Variants in JAK3 observed in about 807,000 individuals in gnomAD.
JAK3 encodes tyrosine-protein kinase JAK3.
In JAK3, 88 loss-of-function variants were observed where a neutral mutation model predicts 120.8. The observed-to-expected ratio is 0.73, with a 90% CI of 0.61 to 0.87. The LOEUF (loss-of-function observed/expected upper bound fraction) is 0.87. Among genes scored for constraint, JAK3 ranks in the 40% least tolerant of loss-of-function variants. The probability of loss-of-function intolerance (pLI) is 0.00; values close to 1 mark genes in which losing one functional copy is unlikely to be tolerated. For synonymous variants in JAK3, 592 were observed against 628.6 expected (o/e 0.94, Z 0.87); for missense variants, 1,254 against 1,501.4 (o/e 0.84, Z 2.72).
chr19:17,830,687 G>T, intron 21 of JAK3, 67 bp from the exon 22 acceptor site: 1 of 1,293,728 alleles, frequency 7.7e-7, no homozygotes, highest in Non-Finnish European at 1.1e-6. Flanking sequence ...GGCAGCCTTG[G>T]AATGGGGAAC....
chr19:17,843,367 G>T lies in JAK3; in HGVS notation c.420+13C>A. On this transcript the variant is annotated intron_variant, in intron 4 of 23. Coordinates refer to ENST00000458235, the MANE Select transcript of JAK3 (RefSeq NM_000215.4). The surrounding 1 kb of genome is among the most constrained non-coding windows in gnomAD (Gnocchi z 5.4). ...CCCCAACCCCCTGGGTCAAACCCCA[G>T]GCAGAACCCCACCTGGGCAAAGAGG... 1 of 1,571,508 alleles carries T rather than the reference G, an allele frequency of 6.4e-7. No homozygotes were observed. The highest frequency in any genetic ancestry group is 8.6e-7 in the Non-Finnish European group (1 of 1,156,680).
At position 17,826,891 on chromosome 19, in the gene JAK3, A is replaced by G. The variant is rs2094204907; in HGVS notation, c.3227T>C (p.Leu1076Pro). The change falls in exon 24 of 24, where the codon CTG (leucine) becomes CCG (proline). Residue 1076 changes from leucine to proline, a missense_variant. Coordinates refer to ENST00000458235, the MANE Select transcript of JAK3 (RefSeq NM_000215.4). ...GTCCTGTGGGCTAGGGGCCCAGCAC[A>G]GCTTCATGAGCTCGTGAACCTGAGG... The part of the protein sequence containing the change: ...CPAEVHELMK[L>P]CWAPSPQDRP... 4 of 1,611,396 alleles carry G rather than the reference A, an allele frequency of 2.5e-6. No individual in the cohort carries two copies. Among genetic ancestry groups the G allele is most frequent in the African/African-American group, 2.7e-5 (2 of 74,928 alleles).
intron 1 of JAK3, among the ~76,000 whole-genome samples, chr19:17,846,222 G>T (rs1006395232): frequency 2.6e-5 from 4 of 152,198 alleles, no homozygotes; most frequent in African/African-American, 9.6e-5. Flanking sequence ...GGTCTGCTGA[G>T]CGCAATCCAG....
chr19:17,845,201 G>A lies in JAK3; in HGVS notation c.-13-771C>T, dbSNP rs1161303858. ...TTGCTTTTTTGAGACAGAGTCTCGC[G>A]CTGTCACCCAGGCTGGAGTGCAGTG... On this transcript the variant is annotated intron_variant, in intron 1 of 23. Coordinates refer to ENST00000458235, the MANE Select transcript of JAK3 (RefSeq NM_000215.4). Among the ~76,000 whole-genome samples, 7 of 152,074 alleles carry A rather than the reference G, an allele frequency of 4.6e-5. 1 individual carries two copies. The South Asian group carries it at 8.3e-4, about 18-fold the overall frequency.
chr19:17,836,348 T>G (rs1361304218), intron 13 of JAK3, among the ~76,000 whole-genome samples: 1 of 152,144 alleles, frequency 6.6e-6, no homozygotes, highest in Non-Finnish European at 1.5e-5. Context: ...AGTGGTGCGA[T>G]CTCGGCTTAC....
Position 17,831,526 on chromosome 19 carries a change from A to T in JAK3, c.2806-126T>A, listed in dbSNP as rs2094214501. 1.3e-6 allele frequency: 2 copies of T among 1,509,804 alleles called. No homozygotes were observed. Among genetic ancestry groups the T allele is most frequent in the Admixed American group, 3.8e-5 (2 of 52,872 alleles). The allele number at this position is 1,509,804 out of a possible 1,614,324, so 93.5% of individuals were successfully genotyped here. Reference sequence around the variant, plus strand: ...CTACCCCCGAGCCATCCTCCACTGAAGTTCTGATCCTGAGCCCTAAGCCAA... The same window carrying T: ...CTACCCCCGAGCCATCCTCCACTGATGTTCTGATCCTGAGCCCTAAGCCAA... On this transcript the variant is annotated intron_variant, in intron 20 of 23. Coordinates refer to ENST00000458235, the MANE Select transcript of JAK3 (RefSeq NM_000215.4). This position sits in a 1 kb window ranked among gnomAD's most constrained non-coding sequence, Gnocchi z 5.1.
At position 17,825,183 on chromosome 19, in the gene JAK3, G is replaced by A. The variant is rs542886257; in HGVS notation, c.*1560C>T. 4.4e-6 allele frequency: 1 copy of A among 229,756 alleles called. No homozygotes were observed. The highest frequency in any genetic ancestry group is 1.8e-4 in the South Asian group (1 of 5,492). The allele number at this position is 229,756 out of a possible 1,614,324, so 14.2% of individuals were successfully genotyped here. ...GGGGACAGAACTGAGACCCAGAGAG[G>A]GAAAGGAACTTGCCCACTGTCACAC... On this transcript the variant is annotated 3_prime_UTR_variant, in exon 24 of 24. Coordinates refer to ENST00000458235, the MANE Select transcript of JAK3 (RefSeq NM_000215.4).
Position 17,832,762 on chromosome 19 carries a change from C to T in JAK3, c.2490+28G>A, listed in dbSNP as rs2147678724. The T allele has an allele frequency of 6.2e-7, 1 of 1,614,256 alleles. No homozygotes were observed. Among genetic ancestry groups the T allele is most frequent in the Non-Finnish European group, 8.5e-7 (1 of 1,180,034 alleles). On this transcript the variant is annotated intron_variant, in intron 18 of 23. Transcript: ENST00000458235. The surrounding 1 kb of genome is among the most constrained non-coding windows in gnomAD (Gnocchi z 4.7). ...CACCTGGATGCTGCCCTGCCCTCTC[C>T]AACCCACCCTGGCCCTGCCCACCTT...
rs3213414 is a variant in JAK3, at chr19:17,826,554, C to G, written c.*189G>C. On this transcript the variant is annotated 3_prime_UTR_variant, in exon 24 of 24. Coordinates refer to ENST00000458235, the MANE Select transcript of JAK3 (RefSeq NM_000215.4). Reference sequence around the variant, plus strand: ...GACACATATGCCCATCTGTCTTGAACCTTAACAAATTGCAAAGGCCACAGG... The same window carrying G: ...GACACATATGCCCATCTGTCTTGAAGCTTAACAAATTGCAAAGGCCACAGG... The G allele has an allele frequency of 3.3e-5, 22 of 671,908 alleles. No individual in the cohort carries two copies. The highest frequency in any genetic ancestry group is 4.8e-5 in the Non-Finnish European group (18 of 372,932). 41.6% of individuals were successfully genotyped at this position (671,908 alleles called of 1,614,324 possible).
rs1231041364 is a variant in JAK3, at chr19:17,832,537, C to G, written c.2662G>C (p.Gly888Arg). The change falls in exon 19 of 24, where the codon GGT (glycine) becomes CGT (arginine). Residue 888 changes from glycine to arginine, a missense_variant. Around this residue, in one of 3 missense-constraint regions of JAK3, gnomAD observed 630 missense variants for 819.8 expected, o/e 0.77. Transcript: ENST00000458235. This position sits in a 1 kb window ranked among gnomAD's most constrained non-coding sequence, Gnocchi z 4.7. Reference sequence around the variant, plus strand: ...GGCTCACCCGGGCCATAGCTGACACCACGATACTTGACAATGAAATCACTG... The same window carrying G: ...GGCTCACCCGGGCCATAGCTGACACGACGATACTTGACAATGAAATCACTG... The part of the protein sequence containing the change: ...LHSDFIVKYR[G>R]VSYGPGRQSL... 1.2e-6 allele frequency: 2 copies of G among 1,614,080 alleles called. No homozygotes were observed. The highest frequency in any genetic ancestry group is 2.7e-5 in the African/African-American group (2 of 74,928).
intron 23 of JAK3, among the ~76,000 whole-genome samples, chr19:17,828,010 C>T (rs2094207248): frequency 6.6e-6 from 1 of 152,052 alleles, no homozygotes; most frequent in Admixed American, 6.6e-5. Flanking sequence ...CTGCCTCCAT[C>T]GCACTGGTGC....
At position 17,834,491 on chromosome 19, in the gene JAK3, GC is replaced by G. The variant is rs530774926; in HGVS notation, c.2350+79del. The G allele has an allele frequency of 1.1e-4, 172 of 1,542,266 alleles. No individual in the cohort carries two copies. In the South Asian group the frequency reaches 1.9e-3, roughly 17 times the overall value. On this transcript the variant is annotated intron_variant, in intron 17 of 23. Coordinates refer to ENST00000458235, the MANE Select transcript of JAK3 (RefSeq NM_000215.4). ...AACCTCACCAGACACACAGGGCGTG[GC>G]CTGCTGCAAACCACGCTCCTTCCAC...
chr19:17,826,991 T>C (rs946874092), intron 23 of JAK3, 81 bp from the exon 24 acceptor site: 81 of 1,495,872 alleles, frequency 5.4e-5, no homozygotes, highest in African/African-American at 1.5e-4. Flanking sequence ...TTTGTTTTTG[T>C]TTTTTTGAGA....
Position 17,835,956 on chromosome 19 carries a change from C to T in JAK3, c.1882G>A (p.Val628Ile). Reference sequence around the variant, plus strand: ...TTGAGGGCGTAGGCCAGCTGTTTGACCACCTGCAGCTTCCAGCTGGCTGGC... The same window carrying T: ...TTGAGGGCGTAGGCCAGCTGTTTGATCACCTGCAGCTTCCAGCTGGCTGGC... Reference protein sequence around the residue: ...LVPASWKLQVVKQLAYALNYL... With the variant: ...LVPASWKLQVIKQLAYALNYL... Residue 628 changes from valine (V) to isoleucine (I), a missense_variant, in exon 14 of 24, where the codon GTC becomes ATC. Transcript: ENST00000458235. The T allele has an allele frequency of 6.2e-7, 1 of 1,614,108 alleles. No homozygotes were observed. The highest frequency in any genetic ancestry group is 8.5e-7 in the Non-Finnish European group (1 of 1,180,038).
At chr19:17,834,547 C>T in intron 17 of JAK3, 24 bp downstream of exon 17, 1 of 1,611,594 alleles carries the variant, frequency 6.2e-7, no homozygotes, top group African/African-American at 1.3e-5. Context: ...CAGCCCTCCC[C>T]ACCCAACCCG....
chr19:17,830,700 G>A, intron 21 of JAK3, 80 bp from the exon 22 acceptor site: 1 of 1,115,100 alleles, frequency 9.0e-7, no homozygotes, highest in Non-Finnish European at 1.4e-6. Flanking sequence ...TGGGGAACTG[G>A]TCAGGGTAGG....
In JAK3 at chr19:17,839,675, A is replaced by C. The variant is rs1475189215; in HGVS notation, c.1255-12T>G. 1 of 1,597,812 alleles carries C rather than the reference A, an allele frequency of 6.3e-7. No individual in the cohort carries two copies. Among genetic ancestry groups the C allele is most frequent in the Non-Finnish European group, 8.5e-7 (1 of 1,172,054 alleles). On this transcript the variant is annotated splice_polypyrimidine_tract_variant and intron_variant, in intron 9 of 23. Transcript: ENST00000458235. Reference sequence around the variant, plus strand: ...GGACCAAGGGGGTTCTGCAAAGAAGAGTGGCCCCTGAGTGGGACTGAGCGA... The same window carrying C: ...GGACCAAGGGGGTTCTGCAAAGAAGCGTGGCCCCTGAGTGGGACTGAGCGA...
chr19:17,842,768 G>T lies in JAK3; in HGVS notation c.567-158C>A. On this transcript the variant is annotated intron_variant, in intron 5 of 23. Transcript: ENST00000458235. This position sits in a 1 kb window ranked among gnomAD's most constrained non-coding sequence, Gnocchi z 6.4. Reference sequence around the variant, plus strand: ...TCATTCAGGGTCAGGTATGAGGACCGGACCTCAGAGTAGGGGAGGGCCATT... The same window carrying T: ...TCATTCAGGGTCAGGTATGAGGACCTGACCTCAGAGTAGGGGAGGGCCATT... 1.1e-6 allele frequency: 1 copy of T among 898,692 alleles called. No homozygotes were observed. Among genetic ancestry groups the T allele is most frequent in the Non-Finnish European group, 1.7e-6 (1 of 601,842 alleles). 55.7% of individuals were successfully genotyped at this position (898,692 alleles called of 1,614,324 possible).
intron 2 of JAK3, 149 bp from the exon 3 acceptor site, chr19:17,844,049 G>T: frequency 1.7e-6 from 2 of 1,205,296 alleles, no homozygotes; most frequent in African/African-American, 1.5e-5. Flanking sequence ...CTCTCCGTCT[G>T]CACAGGCCAT....
Sources: allele counts gnomAD v4.1 joint callset (sites outside exome capture counted in the v4.1 genomes callset), GRCh38; gene constraint gnomAD v4.1.1; regional missense constraint gnomAD v4.1.1; non-coding constraint Gnocchi (gnomAD v3.1); transcripts MANE v1.5; gene names NCBI Gene and HGNC (gene_info 2026-07-23, HGNC 2026-07-21).